Variants in PDZD2 observed in about 807,000 individuals in gnomAD.
The protein encoded by PDZD2 is PDZ domain-containing protein 2.
Under a neutral mutation model 220.7 loss-of-function variants are expected in PDZD2, and 90 were observed. The ratio of observed to expected loss-of-function variants is 0.41; its 90% CI spans 0.34 to 0.49. The LOEUF is 0.49. PDZD2 is among the 20% of genes least tolerant of loss of function. The pLI is 0.28. For synonymous variants in PDZD2, 1,375 were observed against 1,450.5 expected, an observed-to-expected ratio of 0.95 and a Z score of 1.18; for missense variants, 3,174 against 3,608.5, an observed-to-expected ratio of 0.88 and a Z score of 3.08.
At chr5:31,839,323 A>T (rs1757132440) in intron 2 of PDZD2, among the ~76,000 whole-genome samples, 1 of 152,206 alleles carries the variant, frequency 6.6e-6, no homozygotes, top group African/African-American at 2.4e-5. Context: ...ATCCTCTGTA[A>T]TGACCACAGA....
intron 2 of PDZD2, among the ~76,000 whole-genome samples, chr5:31,952,267 A>G (rs4867094): frequency 0.058 from 8,855 of 152,312 alleles, 379 homozygotes; most frequent in Non-Finnish European, 0.087. Flanking sequence ...GTTAGAGTGG[A>G]GAAAGGGATA....
chr5:31,725,556 C>T (rs1749074950), intron 1 of PDZD2: 1 of 1,472,200 alleles, frequency 6.8e-7, no homozygotes, highest in African/African-American at 1.4e-5. Context: ...TAGGACTAGT[C>T]CAAGACCTTG....
At chr5:32,076,209 T>TTG (rs1441205961) in intron 18 of PDZD2, among the ~76,000 whole-genome samples, 47 of 148,524 alleles carry the variant, frequency 3.2e-4, no homozygotes, top group African/African-American at 1.2e-3. Context: ...TCTCTTGAAC[T>TTG]CGGGAGGTGG....
intron 2 of PDZD2, among the ~76,000 whole-genome samples, chr5:31,881,156 A>G (rs1244242686): frequency 6.6e-6 from 1 of 151,916 alleles, no homozygotes. Flanking sequence ...GCAGGTTGGC[A>G]TTTAACTGAA....
chr5:31,667,235 C>A (rs1319614798), intron 1 of PDZD2, among the ~76,000 whole-genome samples: 88 of 52,834 alleles, frequency 1.7e-3, no homozygotes, highest in South Asian at 4.5e-3. Flanking sequence ...GACTCCGTCT[C>A]AAAAAAAAAA....
At chr5:31,679,536 G>T (rs1466994695) in intron 1 of PDZD2, among the ~76,000 whole-genome samples, 2 of 152,132 alleles carry the variant, frequency 1.3e-5, no homozygotes, top group Non-Finnish European at 2.9e-5. Flanking sequence ...TCGAGACAGG[G>T]TCTTGCTGTT....
intron 1 of PDZD2, among the ~76,000 whole-genome samples, chr5:31,678,166 C>T (rs1304971544): frequency 2.0e-5 from 3 of 152,170 alleles, no homozygotes; most frequent in Non-Finnish European, 4.4e-5. Context: ...TTGTGTGTTG[C>T]AGGTTGGATT....
At chr5:31,991,646 G>A (rs1027177740) in intron 3 of PDZD2, among the ~76,000 whole-genome samples, 5 of 152,198 alleles carry the variant, frequency 3.3e-5, no homozygotes, top group Admixed American at 2.0e-4. Flanking sequence ...TGGCCTGTTA[G>A]ATTTTGGCCA....
chr5:31,849,981 TATATATATATACAC>T lies in PDZD2; in HGVS notation c.476+50269_476+50282del, dbSNP rs1757890788. On this transcript the variant is annotated intron_variant, in intron 2 of 24. Transcript: ENST00000438447. ...ATATATACACATATATATATATACA[TATATATATATACAC>T]ATATATATATATACACACACACGTA... Among the ~76,000 whole-genome samples, 10 of 24,284 alleles carry T rather than the reference TATATATATATACAC, an allele frequency of 4.1e-4. 1 individual carries two copies. The highest frequency in any genetic ancestry group is 2.8e-3 in the African/African-American group (10 of 3,612). The allele number at this position is 24,284 out of a possible 152,430, so 15.9% of individuals were successfully genotyped here. A position where few individuals can be genotyped will look rare whatever the true frequency, so the allele number is the denominator to read the frequency against.
intron 1 of PDZD2, among the ~76,000 whole-genome samples, chr5:31,778,053 T>C (rs1045064083): frequency 3.3e-5 from 5 of 152,012 alleles, no homozygotes; most frequent in Non-Finnish European, 7.4e-5. Flanking sequence ...GCATTCTGTG[T>C]CTAGCTAAAG....
chr5:32,024,934 TGC>T, intron 6 of PDZD2, among the ~76,000 whole-genome samples: 1 of 152,306 alleles, frequency 6.6e-6, no homozygotes, highest in South Asian at 2.1e-4. Context: ...CAAAAACAAG[TGC>T]TGGGCCAGAT....
intron 1 of PDZD2, among the ~76,000 whole-genome samples, chr5:31,785,933 A>C (rs1255974163): frequency 6.6e-6 from 1 of 152,062 alleles, no homozygotes; most frequent in African/African-American, 2.4e-5. Flanking sequence ...ATTAAGGGCC[A>C]TGATGGCACA....
chr5:31,947,835 G>C (rs927653175), intron 2 of PDZD2, among the ~76,000 whole-genome samples: 2 of 151,986 alleles, frequency 1.3e-5, no homozygotes, highest in Non-Finnish European at 2.9e-5. Flanking sequence ...TTGGTGGGGG[G>C]TGGTGGATGG....
intron 2 of PDZD2, among the ~76,000 whole-genome samples, chr5:31,920,601 A>G (rs1393443617): frequency 1.3e-5 from 2 of 151,768 alleles, no homozygotes; most frequent in Non-Finnish European, 2.9e-5. Context: ...GAGGCCAGGA[A>G]TTTGAGACCA....
At chr5:31,740,893 A>G (rs1423506471) in intron 1 of PDZD2, among the ~76,000 whole-genome samples, 3 of 152,250 alleles carry the variant, frequency 2.0e-5, no homozygotes, top group Admixed American at 2.0e-4. Flanking sequence ...AGCATCAATG[A>G]TTTCACCATT....
chr5:31,943,322 C>T (rs1312779426), intron 2 of PDZD2, among the ~76,000 whole-genome samples: 1 of 152,086 alleles, frequency 6.6e-6, no homozygotes, highest in African/African-American at 2.4e-5. Flanking sequence ...AAGAAAACTA[C>T]CCTGAAAAGG....
At chr5:31,865,354 C>G (rs1738116013) in intron 2 of PDZD2, among the ~76,000 whole-genome samples, 1 of 151,910 alleles carries the variant, frequency 6.6e-6, no homozygotes, top group Non-Finnish European at 1.5e-5. Context: ...GCTCTTTGTC[C>G]CAGGCTGGTG....
At chr5:32,103,524 A>AGAGT (rs1491301744) in intron 24 of PDZD2, 1 of 152,132 alleles carries the variant, frequency 6.6e-6, no homozygotes, top group Non-Finnish European at 1.5e-5. Context: ...TACAACAATC[A>AGAGT]GAGTGGCGGC....
chr5:31,812,579 C>T (rs1025644304), intron 2 of PDZD2, among the ~76,000 whole-genome samples: 6 of 152,158 alleles, frequency 3.9e-5, no homozygotes, highest in African/African-American at 1.2e-4. Flanking sequence ...GCTGAGACTA[C>T]AGGTGTGAAC....
Sources: gnomAD v4.1 joint callset for allele counts (sites outside exome capture counted in the v4.1 genomes callset) on GRCh38, gnomAD v4.1.1 for gene constraint, MANE v1.5 for transcripts, NCBI Gene and HGNC (gene_info 2026-07-23, HGNC 2026-07-21) for gene names.